Variants in GALNT13 observed in about 807,000 individuals in gnomAD.
GALNT13 encodes UDP-GalNAc:polypeptide N-acetylgalactosaminyltransferase 13.
In GALNT13, 28 loss-of-function variants were observed where a neutral mutation model predicts 64.2. The ratio of observed to expected loss-of-function variants is 0.44; its 90% CI spans 0.32 to 0.60. The LOEUF is 0.60. GALNT13 is among the 20% of genes least tolerant of loss of function. The pLI is 0.05. For missense variants in GALNT13, 577 were observed against 669.8 expected, an observed-to-expected ratio of 0.86 and a Z score of 1.53; for synonymous variants, 214 against 224.6, an observed-to-expected ratio of 0.95 and a Z score of 0.42.
the GALNT13 span, among the ~76,000 whole-genome samples, chr2:153,501,806 T>C: frequency 6.6e-6 from 1 of 152,342 alleles, no homozygotes; most frequent in Non-Finnish European, 1.5e-5. Flanking sequence ...TAAAGGCTTT[T>C]GAAATATAAC....
chr2:153,741,697 G>A, the GALNT13 span, among the ~76,000 whole-genome samples: 3 of 152,144 alleles, frequency 2.0e-5, no homozygotes, highest in Non-Finnish European at 2.9e-5. Flanking sequence ...CTGATTTGTA[G>A]AGGTAAATTG....
At chr2:153,695,010 C>T in the GALNT13 span, among the ~76,000 whole-genome samples, 35 of 152,180 alleles carry the variant, frequency 2.3e-4, no homozygotes, top group African/African-American at 6.3e-4. Flanking sequence ...ATCAGCAAAG[C>T]GGAACAGGTA....
the GALNT13 span, among the ~76,000 whole-genome samples, chr2:153,226,122 T>TG: frequency 3.6e-4 from 54 of 152,048 alleles, 2 homozygotes; most frequent in East Asian, 0.011. Context: ...ATAGTAGAGA[T>TG]GGGGTTTCAC....
At chr2:153,954,338 TA>T (rs1296768259) in intron 3 of GALNT13, among the ~76,000 whole-genome samples, 12 of 152,284 alleles carry the variant, frequency 7.9e-5, no homozygotes, top group African/African-American at 2.2e-4. Context: ...TTTATAATTG[TA>T]AAACAGTGGA....
chr2:154,312,734 G>A (rs1694114353), intron 9 of GALNT13, among the ~76,000 whole-genome samples: 1 of 152,096 alleles, frequency 6.6e-6, no homozygotes, highest in Non-Finnish European at 1.5e-5. Flanking sequence ...TTAGGCTTGA[G>A]TTGAACAAAA....
At chr2:153,444,283 C>T in the GALNT13 span, among the ~76,000 whole-genome samples, 9 of 152,268 alleles carry the variant, frequency 5.9e-5, no homozygotes, top group Non-Finnish European at 5.9e-5. Context: ...AGATCATAAA[C>T]GCCATGGAGT....
chr2:153,280,978 T>C, the GALNT13 span, among the ~76,000 whole-genome samples: 3 of 152,218 alleles, frequency 2.0e-5, no homozygotes, highest in African/African-American at 7.2e-5. Context: ...AGTCCCCCAC[T>C]ATTATTGTGT....
chr2:153,598,821 G>A, the GALNT13 span, among the ~76,000 whole-genome samples: 4 of 152,058 alleles, frequency 2.6e-5, no homozygotes, highest in South Asian at 4.1e-4. Context: ...GGCAGAAAGA[G>A]GGTTTTATTC....
the GALNT13 span, among the ~76,000 whole-genome samples, chr2:153,780,461 C>T: frequency 4.0e-5 from 6 of 151,886 alleles, no homozygotes; most frequent in Non-Finnish European, 1.5e-5. Flanking sequence ...TCTTGCTCAA[C>T]TTCAAACCCT....
chr2:153,204,639 C>G, the GALNT13 span, among the ~76,000 whole-genome samples: 1 of 151,360 alleles, frequency 6.6e-6, no homozygotes, highest in African/African-American at 2.4e-5. Context: ...CTCCCAGGAA[C>G]CCTAGAATAC....
chr2:153,093,043 GT>G, the GALNT13 span, among the ~76,000 whole-genome samples: 9 of 148,342 alleles, frequency 6.1e-5, no homozygotes, highest in South Asian at 4.3e-4. Context: ...AGTTTTTGAG[GT>G]TTTTTTTTTA....
At chr2:154,228,740 A>G (rs565049932) in intron 4 of GALNT13, among the ~76,000 whole-genome samples, 1 of 152,306 alleles carries the variant, frequency 6.6e-6, no homozygotes, top group East Asian at 1.9e-4. Flanking sequence ...GGGAGGAGTA[A>G]GGAAGCAAGC....
At position 154,451,506 on chromosome 2, in the gene GALNT13, C is replaced by T. The variant is rs1036813219; in HGVS notation, c.*955C>T. On this transcript the variant is annotated 3_prime_UTR_variant, in exon 13 of 13. Coordinates refer to ENST00000392825, the MANE Select transcript of GALNT13 (RefSeq NM_052917.4). ...CTTAAAGATTTTAGTTAGGTTACCACTGTCATTTTCATTTTCTATGTTAAA... is the reference window on the plus strand; with the variant it reads ...CTTAAAGATTTTAGTTAGGTTACCATTGTCATTTTCATTTTCTATGTTAAA... 3 of 152,036 alleles carry T rather than the reference C, an allele frequency of 2.0e-5. No homozygotes were observed. Among genetic ancestry groups the T allele is most frequent in the Non-Finnish European group, 4.4e-5 (3 of 68,012 alleles). 9.4% of individuals were successfully genotyped at this position (152,036 alleles called of 1,614,324 possible).
At chr2:153,923,960 T>A (rs1296089279) in intron 2 of GALNT13, among the ~76,000 whole-genome samples, 1 of 152,056 alleles carries the variant, frequency 6.6e-6, no homozygotes, top group East Asian at 1.9e-4. Flanking sequence ...TTTGGGTTGG[T>A]TCCAAGTCTT....
At chr2:153,611,452 T>G in the GALNT13 span, among the ~76,000 whole-genome samples, 1 of 152,080 alleles carries the variant, frequency 6.6e-6, no homozygotes. Flanking sequence ...CACTTCCATC[T>G]CTGACTCCCA....
At chr2:153,726,291 A>C in the GALNT13 span, among the ~76,000 whole-genome samples, 2 of 152,170 alleles carry the variant, frequency 1.3e-5, no homozygotes, top group Non-Finnish European at 2.9e-5. Context: ...ATGTTAAGTC[A>C]ACGCTGTCTT....
intron 11 of GALNT13, among the ~76,000 whole-genome samples, chr2:154,413,705 C>T (rs1302512975): frequency 6.6e-6 from 1 of 151,972 alleles, no homozygotes; most frequent in Non-Finnish European, 1.5e-5. Context: ...GTTGGCTACA[C>T]TCTGCTCCAC....
chr2:153,179,439 A>G, the GALNT13 span, among the ~76,000 whole-genome samples: 2 of 152,100 alleles, frequency 1.3e-5, no homozygotes. Flanking sequence ...GTACCATGCT[A>G]TTTAAATTAC....
chr2:154,372,991 C>G (rs1697785968), intron 9 of GALNT13, among the ~76,000 whole-genome samples: 2 of 151,880 alleles, frequency 1.3e-5, no homozygotes, highest in African/African-American at 4.8e-5. Context: ...GAACACTTTC[C>G]TTTTTAAAGG....
Sources: allele counts gnomAD v4.1 joint callset (sites outside exome capture counted in the v4.1 genomes callset), GRCh38; gene constraint gnomAD v4.1.1; transcripts MANE v1.5; gene names NCBI Gene and HGNC (gene_info 2026-07-23, HGNC 2026-07-21).